The following RALYL variants were observed in gnomAD, a reference collection of about 807,000 sequenced individuals.
RALYL encodes RALY RNA binding protein like.
In RALYL, 29 loss-of-function variants were observed where a neutral mutation model predicts 35.1. That is an observed-to-expected ratio of 0.83 (90% CI 0.61 to 1.13). RALYL has a LOEUF of 1.13. RALYL is among the 50% of genes most tolerant of loss of function. The pLI, the probability that RALYL is intolerant of heterozygous loss-of-function variation, is 0.00. For synonymous variants in RALYL, 120 were observed against 127.6 expected, an observed-to-expected ratio of 0.94 and a Z score of 0.40; for missense variants, 359 against 360.4, an observed-to-expected ratio of 1.00 and a Z score of 0.03.
At chr8:84,284,895 G>C (rs1837303852) in intron 1 of RALYL, among the ~76,000 whole-genome samples, 1 of 152,140 alleles carries the variant, frequency 6.6e-6, no homozygotes, top group Admixed American at 6.5e-5. Flanking sequence ...CCTAAAATTA[G>C]TGTCATTTCT....
chr8:84,619,574 G>A (rs1308856465), intron 2 of RALYL, among the ~76,000 whole-genome samples: 1 of 146,616 alleles, frequency 6.8e-6, no homozygotes, highest in East Asian at 2.0e-4. Flanking sequence ...CTTTTAATTG[G>A]AGCATTTAGT....
At chr8:84,788,220 A>G (rs1819990112) in intron 3 of RALYL, among the ~76,000 whole-genome samples, 1 of 151,990 alleles carries the variant, frequency 6.6e-6, no homozygotes, top group African/African-American at 2.4e-5. Context: ...GGGGTCCAAA[A>G]CAGCATGGTA....
intron 1 of RALYL, among the ~76,000 whole-genome samples, chr8:84,196,683 G>A (rs1487619678): frequency 6.6e-6 from 1 of 152,182 alleles, no homozygotes; most frequent in African/African-American, 2.4e-5. Context: ...TCAGGGCTAT[G>A]TCATGTTTTC....
At chr8:84,608,861 C>T (rs145729601) in intron 2 of RALYL, among the ~76,000 whole-genome samples, 36 of 152,246 alleles carry the variant, frequency 2.4e-4, no homozygotes, top group East Asian at 7.8e-4. Flanking sequence ...GCAGGCACCA[C>T]GTTGCGTTCT....
At chr8:84,224,856 C>T (rs932920455) in intron 1 of RALYL, among the ~76,000 whole-genome samples, 1 of 152,070 alleles carries the variant, frequency 6.6e-6, no homozygotes, top group Non-Finnish European at 1.5e-5. Context: ...AGGGTTTCAC[C>T]ATATTGGCTA....
intron 1 of RALYL, among the ~76,000 whole-genome samples, chr8:84,234,022 T>G (rs1168559002): frequency 2.0e-5 from 3 of 152,218 alleles, no homozygotes; most frequent in African/African-American, 7.2e-5. Flanking sequence ...TTGATTGTCT[T>G]GCCTTCCTTT....
chr8:84,899,284 C>T (rs1845275636), intron 8 of RALYL, among the ~76,000 whole-genome samples: 1 of 151,950 alleles, frequency 6.6e-6, no homozygotes, highest in South Asian at 2.1e-4. Flanking sequence ...CATAGCTCCT[C>T]ACACTTAACT....
chr8:84,635,246 C>T (rs1824801246), intron 2 of RALYL, among the ~76,000 whole-genome samples: 1 of 151,604 alleles, frequency 6.6e-6, no homozygotes, highest in African/African-American at 2.4e-5. Flanking sequence ...TATTGAATTG[C>T]TACAATATGC....
At chr8:84,350,022 C>A (rs1487162141) in intron 1 of RALYL, among the ~76,000 whole-genome samples, 1 of 150,472 alleles carries the variant, frequency 6.6e-6, no homozygotes, top group South Asian at 2.1e-4. Flanking sequence ...TTGATTTTTG[C>A]ATTTGATTTC....
intron 2 of RALYL, among the ~76,000 whole-genome samples, chr8:84,610,796 A>C (rs962600804): frequency 3.3e-5 from 5 of 152,130 alleles, no homozygotes; most frequent in African/African-American, 1.2e-4. Flanking sequence ...TTTGTTACTC[A>C]AATACTTCCA....
At chr8:84,428,077 GTCTCTCTC>G (rs71271988) in intron 1 of RALYL, among the ~76,000 whole-genome samples, 91 of 129,378 alleles carry the variant, frequency 7.0e-4, no homozygotes, top group African/African-American at 2.0e-3. Context: ...CTTGCTCGCT[GTCTCTCTC>G]TCTCTCTCTC....
At chr8:84,367,738 C>T (rs1854779982) in intron 1 of RALYL, among the ~76,000 whole-genome samples, 3 of 152,012 alleles carry the variant, frequency 2.0e-5, no homozygotes, top group Admixed American at 2.0e-4. Flanking sequence ...TCTTTCATCC[C>T]AGACCACTTG....
intron 1 of RALYL, among the ~76,000 whole-genome samples, chr8:84,321,054 A>T (rs572095523): frequency 2.4e-4 from 37 of 152,222 alleles, no homozygotes; most frequent in Middle Eastern, 3.4e-3. Context: ...TTCTATTTGT[A>T]TGGTAGTGAA....
rs869249552 is a variant in RALYL at position 84,428,106 on chromosome 8, TCACACA to T, written c.-23-101161_-23-101156del. ...CTCTCTCTCTCTCTCTCTCTCTCTC[TCACACA>T]CACACACACACACACACACACACAC... On this transcript the variant is annotated intron_variant, in intron 1 of 8. Coordinates refer to ENST00000521268, the MANE Select transcript of RALYL (RefSeq NM_173848.7). Among the ~76,000 whole-genome samples, 396 of 127,334 alleles carry T rather than the reference TCACACA, an allele frequency of 3.1e-3. 4 individuals are homozygous for T. The highest frequency in any genetic ancestry group is 0.011 in the African/African-American group (353 of 32,670). 83.5% of individuals were successfully genotyped at this position (127,334 alleles called of 152,430 possible).
chr8:84,185,339 A>G (rs768473556), intron 1 of RALYL: 7 of 406,486 alleles, frequency 1.7e-5, no homozygotes, highest in Non-Finnish European at 3.2e-5. Context: ...AGAACTGTGT[A>G]CAGGGCAGGA....
At chr8:84,361,191 G>A (rs1044201666) in intron 1 of RALYL, among the ~76,000 whole-genome samples, 1 of 152,142 alleles carries the variant, frequency 6.6e-6, no homozygotes, top group African/African-American at 2.4e-5. Context: ...AATGAATTTT[G>A]CCTTTAATCT....
At chr8:84,707,544 C>T (rs1841436592) in intron 2 of RALYL, among the ~76,000 whole-genome samples, 1 of 151,944 alleles carries the variant, frequency 6.6e-6, no homozygotes, top group Non-Finnish European at 1.5e-5. Flanking sequence ...GATTAAGCAG[C>T]AGGAAGAAAT....
chr8:84,443,757 AC>A (rs1334817501), intron 1 of RALYL, among the ~76,000 whole-genome samples: 1 of 152,110 alleles, frequency 6.6e-6, no homozygotes, highest in Admixed American at 6.6e-5. Context: ...TGATGCACGT[AC>A]CCCCTGTGTT....
intron 4 of RALYL, among the ~76,000 whole-genome samples, chr8:84,845,112 G>A (rs1379498895): frequency 6.6e-6 from 1 of 151,898 alleles, no homozygotes; most frequent in African/African-American, 2.4e-5. Flanking sequence ...AAAACTTAAA[G>A]CATAATAAAA....
Sources: allele counts gnomAD v4.1 joint callset (sites outside exome capture counted in the v4.1 genomes callset), GRCh38; gene constraint gnomAD v4.1.1; transcripts MANE v1.5; gene names NCBI Gene and HGNC (gene_info 2026-07-23, HGNC 2026-07-21).